The following UBE2E2 variants were observed in gnomAD, a reference collection of about 807,000 sequenced individuals.
UBE2E2 encodes the protein ubiquitin-conjugating enzyme E2 E2.
UBE2E2 carries 6 observed loss-of-function variants against 24.7 expected under a neutral mutation model. The observed-to-expected ratio is 0.24, with a 90% CI of 0.13 to 0.48. UBE2E2 has a LOEUF of 0.48. UBE2E2 is among the 20% of genes least tolerant of loss of function. The pLI is 0.99. For missense variants in UBE2E2, 169 were observed against 245.0 expected (o/e 0.69, Z 2.07); for synonymous variants, 104 against 83.6 (o/e 1.24, Z -1.33).
intron 4 of UBE2E2, among the ~76,000 whole-genome samples, chr3:23,509,119 C>T (rs1694525968): frequency 6.6e-6 from 1 of 152,166 alleles, no homozygotes; most frequent in Non-Finnish European, 1.5e-5. Flanking sequence ...ACACTGGAAA[C>T]TCTGAGAGAA....
chr3:23,542,886 T>A (rs945328639), intron 5 of UBE2E2, among the ~76,000 whole-genome samples: 3 of 152,214 alleles, frequency 2.0e-5, no homozygotes, highest in African/African-American at 4.8e-5. Flanking sequence ...TGACCTGCTT[T>A]TGCTTAGCAT....
intron 3 of UBE2E2, among the ~76,000 whole-genome samples, chr3:23,326,436 C>CA (rs1694893299): frequency 1.3e-5 from 2 of 152,124 alleles, no homozygotes; most frequent in Non-Finnish European, 2.9e-5. Flanking sequence ...TTTTTCAAAA[C>CA]ATTTTTTGAA....
intron 3 of UBE2E2, among the ~76,000 whole-genome samples, chr3:23,232,761 A>C (rs1019129005): frequency 1.3e-5 from 2 of 152,258 alleles, no homozygotes; most frequent in Non-Finnish European, 2.9e-5. Context: ...TGTTTCATTT[A>C]TAATCGATTA....
intron 3 of UBE2E2, among the ~76,000 whole-genome samples, chr3:23,254,618 A>G (rs1400084417): frequency 6.6e-6 from 1 of 152,200 alleles, no homozygotes; most frequent in Non-Finnish European, 1.5e-5. Flanking sequence ...ATTCCTATTC[A>G]CAAAATTCTC....
intron 5 of UBE2E2, among the ~76,000 whole-genome samples, chr3:23,581,010 G>A (rs866588325): frequency 1.3e-5 from 2 of 152,118 alleles, no homozygotes; most frequent in Admixed American, 6.5e-5. Context: ...TTTGCATATG[G>A]CAAAGGGCTT....
At chr3:23,554,905 C>T (rs1695738848) in intron 5 of UBE2E2, among the ~76,000 whole-genome samples, 1 of 151,854 alleles carries the variant, frequency 6.6e-6, no homozygotes, top group Admixed American at 6.6e-5. Context: ...ATCCACTGGA[C>T]CTGAATATAC....
At chr3:23,217,456 A>G (rs1004535474) in intron 3 of UBE2E2, 144 bp downstream of exon 3, 5 of 769,356 alleles carry the variant, frequency 6.5e-6, no homozygotes, top group Admixed American at 2.6e-5. Context: ...GTGGAAGACA[A>G]TGGTTTTTGT....
chr3:23,350,886 C>T (rs1172098506), intron 3 of UBE2E2, among the ~76,000 whole-genome samples: 7 of 152,090 alleles, frequency 4.6e-5, no homozygotes, highest in East Asian at 3.9e-4. Context: ...ATACAGAGAA[C>T]GCCTCAAAGA....
chr3:23,300,584 A>G (rs199720519), intron 3 of UBE2E2, among the ~76,000 whole-genome samples: 1 of 152,028 alleles, frequency 6.6e-6, no homozygotes, highest in Non-Finnish European at 1.5e-5. Flanking sequence ...TTGAAAATTC[A>G]TTTCTTTAAG....
At chr3:23,515,800 A>G (rs1238150348) in intron 4 of UBE2E2, among the ~76,000 whole-genome samples, 1 of 66,530 alleles carries the variant, frequency 1.5e-5, no homozygotes, top group South Asian at 6.0e-4. Flanking sequence ...CTACAAAAAG[A>G]AAAAAAAAAA....
chr3:23,591,831 A>G (rs1031785387), downstream of UBE2E2: 4 of 152,234 alleles, frequency 2.6e-5, no homozygotes, highest in Non-Finnish European at 5.9e-5. Context: ...AATTGCCTAC[A>G]GTTTCTCACC....
intron 3 of UBE2E2, among the ~76,000 whole-genome samples, chr3:23,452,099 AAGTGGGGAAGAAAAAG>A (rs1214125803): frequency 5.3e-5 from 8 of 152,156 alleles, no homozygotes; most frequent in African/African-American, 1.9e-4. Flanking sequence ...CTTTGGCTGA[AAGTGGGGAAGAAAAAG>A]GATGGAGTTA....
intron 3 of UBE2E2, among the ~76,000 whole-genome samples, chr3:23,282,692 A>G (rs977152659): frequency 5.3e-5 from 8 of 152,194 alleles, no homozygotes; most frequent in Middle Eastern, 6.3e-3. Context: ...TTTAAAAACT[A>G]AATTGAAGTT....
At chr3:23,262,609 G>GTT (rs1255204325) in intron 3 of UBE2E2, among the ~76,000 whole-genome samples, 3 of 141,880 alleles carry the variant, frequency 2.1e-5, no homozygotes, top group South Asian at 2.3e-4. Flanking sequence ...ATTATGTGGG[G>GTT]TTTTTTTTTT....
intron 3 of UBE2E2, among the ~76,000 whole-genome samples, chr3:23,437,498 C>T (rs1288846406): frequency 6.6e-6 from 1 of 152,168 alleles, no homozygotes; most frequent in Admixed American, 6.5e-5. Context: ...TTATAAGAAT[C>T]TCTGGCATAT....
chr3:23,243,734 T>C (rs1697314838), intron 3 of UBE2E2, among the ~76,000 whole-genome samples: 1 of 144,060 alleles, frequency 6.9e-6, no homozygotes, highest in Non-Finnish European at 1.5e-5. Flanking sequence ...ATCACTTGTC[T>C]ACAAATAGTA....
At chr3:23,226,972 C>CAAAA (rs920959203) in intron 3 of UBE2E2, among the ~76,000 whole-genome samples, 1 of 81,712 alleles carries the variant, frequency 1.2e-5, no homozygotes, top group Non-Finnish European at 2.6e-5. Flanking sequence ...CCATGAAGAC[C>CAAAA]AAAAAAAAAA....
chr3:23,356,550 C>T (rs1228723905), intron 3 of UBE2E2, among the ~76,000 whole-genome samples: 1 of 152,118 alleles, frequency 6.6e-6, no homozygotes, highest in Non-Finnish European at 1.5e-5. Context: ...TGTTAATTAT[C>T]TCATCTCCTC....
chr3:23,225,835 A>G (rs1162682158), intron 3 of UBE2E2, among the ~76,000 whole-genome samples: 1 of 151,568 alleles, frequency 6.6e-6, no homozygotes, highest in East Asian at 1.9e-4. Context: ...CTACTGTGTC[A>G]TTTTACTACT....
Sources: gnomAD v4.1 joint callset for allele counts (sites outside exome capture counted in the v4.1 genomes callset) on GRCh38, gnomAD v4.1.1 for gene constraint, MANE v1.5 for transcripts, NCBI Gene and HGNC (gene_info 2026-07-23, HGNC 2026-07-21) for gene names.